The following ATP2B2 variants were observed in gnomAD, a reference collection of about 807,000 sequenced individuals.
The protein encoded by ATP2B2 is plasma membrane calcium-transporting ATPase 2.
Under a neutral mutation model 120.0 loss-of-function variants are expected in ATP2B2, and 15 were observed. The observed-to-expected ratio is 0.12, with a 90% CI of 0.08 to 0.19. The LOEUF is 0.19. ATP2B2 is among the 10% of genes least tolerant of loss of function. ATP2B2 has a pLI of 1.00. For missense variants in ATP2B2, 1,045 were observed against 1,719.8 expected (o/e 0.61, Z 6.94); for synonymous variants, 694 against 700.3 (o/e 0.99, Z 0.14).
At chr3:10,451,915 C>T (rs779100508) in intron 1 of ATP2B2, among the ~76,000 whole-genome samples, 3 of 152,198 alleles carry the variant, frequency 2.0e-5, no homozygotes, top group Non-Finnish European at 2.9e-5. Context: ...TACTATGTAC[C>T]AGGCACTGTG....
intron 1 of ATP2B2, among the ~76,000 whole-genome samples, chr3:10,705,821 G>A (rs2071887776): frequency 6.6e-6 from 1 of 152,204 alleles, no homozygotes; most frequent in South Asian, 2.1e-4. Context: ...GAGTGGCCCT[G>A]CAGCCCAGTG....
At chr3:10,549,727 G>T (rs572352360) in intron 2 of ATP2B2, among the ~76,000 whole-genome samples, 9 of 151,384 alleles carry the variant, frequency 5.9e-5, no homozygotes, top group Admixed American at 5.3e-4. Context: ...TCAAACCCCT[G>T]CCCTGTGCTC....
chr3:10,665,748 T>A (rs575877128), intron 1 of ATP2B2, among the ~76,000 whole-genome samples: 1 of 152,182 alleles, frequency 6.6e-6, no homozygotes, highest in African/African-American at 2.4e-5. Flanking sequence ...CCTGAAGGAG[T>A]CACAGGCATG....
At chr3:10,482,915 G>A (rs754253567) in intron 1 of ATP2B2, among the ~76,000 whole-genome samples, 2 of 152,208 alleles carry the variant, frequency 1.3e-5, no homozygotes, top group Non-Finnish European at 2.9e-5. Flanking sequence ...ATTTGCACTC[G>A]GGGAAGCAAT....
intron 1 of ATP2B2, among the ~76,000 whole-genome samples, chr3:10,477,613 C>T (rs2065254059): frequency 6.6e-6 from 1 of 152,234 alleles, no homozygotes; most frequent in Non-Finnish European, 1.5e-5. Flanking sequence ...AGTTTGACTA[C>T]TGTAGCGACC....
chr3:10,645,952 G>A (rs1023846737), intron 1 of ATP2B2, among the ~76,000 whole-genome samples: 1 of 152,184 alleles, frequency 6.6e-6, no homozygotes, highest in African/African-American at 2.4e-5. Context: ...TCGAACCTGG[G>A]AGGACCCACT....
chr3:10,591,248 A>C (rs2068636453), intron 2 of ATP2B2, among the ~76,000 whole-genome samples: 1 of 152,150 alleles, frequency 6.6e-6, no homozygotes, highest in Non-Finnish European at 1.5e-5. Context: ...AGTGCAGTGC[A>C]CACACAGCCC....
intron 1 of ATP2B2, among the ~76,000 whole-genome samples, chr3:10,482,862 G>A (rs1451615796): frequency 6.6e-6 from 1 of 152,280 alleles, no homozygotes; most frequent in Non-Finnish European, 1.5e-5. Context: ...TGTTGAACAT[G>A]CCTGTGCATG....
intron 2 of ATP2B2, among the ~76,000 whole-genome samples, chr3:10,619,118 C>A (rs1217298222): frequency 6.6e-6 from 1 of 152,112 alleles, no homozygotes; most frequent in Non-Finnish European, 1.5e-5. Flanking sequence ...CCTCTGTGGC[C>A]CATTCCAGAG....
intron 1 of ATP2B2, among the ~76,000 whole-genome samples, chr3:10,674,046 C>G (rs1389631179): frequency 6.6e-6 from 1 of 151,416 alleles, no homozygotes; most frequent in Non-Finnish European, 1.5e-5. Context: ...ATCCAGGTTT[C>G]AAATCCCTGC....
chr3:10,451,136 G>A (rs2064031022), intron 1 of ATP2B2, among the ~76,000 whole-genome samples: 1 of 152,230 alleles, frequency 6.6e-6, no homozygotes, highest in South Asian at 2.1e-4. Flanking sequence ...AGCTCAGAGA[G>A]GGAAAAAGCA....
chr3:10,624,884 G>A (rs1450426734), intron 1 of ATP2B2, among the ~76,000 whole-genome samples: 1 of 152,170 alleles, frequency 6.6e-6, no homozygotes, highest in Non-Finnish European at 1.5e-5. Context: ...TGGCTTGGCT[G>A]TTCAGATGTG....
intron 2 of ATP2B2, among the ~76,000 whole-genome samples, chr3:10,412,471 T>G (rs2062644572): frequency 6.6e-6 from 1 of 152,138 alleles, no homozygotes; most frequent in East Asian, 1.9e-4. Context: ...CCACTTTATT[T>G]TTCCATGACA....
chr3:10,656,964 A>T (rs1559507405), intron 1 of ATP2B2, among the ~76,000 whole-genome samples: 1 of 152,234 alleles, frequency 6.6e-6, no homozygotes, highest in African/African-American at 2.4e-5. Context: ...GGAGCAGGGA[A>T]AGAGATGAGG....
At chr3:10,624,373 T>G (rs1401037549) in intron 1 of ATP2B2, among the ~76,000 whole-genome samples, 2 of 152,166 alleles carry the variant, frequency 1.3e-5, no homozygotes, top group Non-Finnish European at 2.9e-5. Flanking sequence ...CTCTTCCAGC[T>G]CTCAGGACAG....
chr3:10,479,758 A>T (rs1177024942), intron 1 of ATP2B2, among the ~76,000 whole-genome samples: 2 of 152,100 alleles, frequency 1.3e-5, no homozygotes, highest in Non-Finnish European at 2.9e-5. Flanking sequence ...TCAAGGAGGA[A>T]AGGAAGAGAG....
chr3:10,411,202 C>T (rs2062598755), intron 2 of ATP2B2, among the ~76,000 whole-genome samples: 1 of 152,096 alleles, frequency 6.6e-6, no homozygotes. Context: ...GGATGATGGC[C>T]ACGCAAAAAC....
At chr3:10,381,601 G>A (rs747740668) in intron 8 of ATP2B2, among the ~76,000 whole-genome samples, 42 of 152,214 alleles carry the variant, frequency 2.8e-4, no homozygotes, top group Admixed American at 4.6e-4. Context: ...TCTCAGAAGC[G>A]AGGGACTTAT....
At chr3:10,568,915 T>C (rs2068065970) in intron 2 of ATP2B2, among the ~76,000 whole-genome samples, 1 of 152,210 alleles carries the variant, frequency 6.6e-6, no homozygotes. Flanking sequence ...CAGCCGACAG[T>C]GTCAGGGACA....
Sources: allele counts gnomAD v4.1 joint callset (sites outside exome capture counted in the v4.1 genomes callset), GRCh38; gene constraint gnomAD v4.1.1; transcripts MANE v1.5; gene names NCBI Gene and HGNC (gene_info 2026-07-23, HGNC 2026-07-21).